The following LHFPL3 variants were observed in gnomAD, a reference collection of about 807,000 sequenced individuals.
The protein encoded by LHFPL3 is LHFPL tetraspan subfamily member 3 protein.
Under a neutral mutation model 19.3 loss-of-function variants are expected in LHFPL3, and 5 were observed. The observed-to-expected ratio is 0.26, with a 90% CI of 0.14 to 0.54. The LOEUF (loss-of-function observed/expected upper bound fraction) is 0.54. LHFPL3 is among the 20% of genes least tolerant of loss of function. The probability of loss-of-function intolerance (pLI) is 0.94; values close to 1 mark genes in which losing one functional copy is unlikely to be tolerated. For synonymous variants in LHFPL3, 133 were observed against 126.2 expected, an observed-to-expected ratio of 1.05 and a Z score of -0.36; for missense variants, 249 against 307.4, an observed-to-expected ratio of 0.81 and a Z score of 1.42.
chr7:104,690,572 G>T (rs1792888483), intron 1 of LHFPL3, among the ~76,000 whole-genome samples: 2 of 152,230 alleles, frequency 1.3e-5, no homozygotes, highest in African/African-American at 4.8e-5. Context: ...CGTGCCAGGG[G>T]ATAGGAAATA....
At chr7:104,438,832 A>C (rs1792163417) in intron 1 of LHFPL3, among the ~76,000 whole-genome samples, 1 of 152,172 alleles carries the variant, frequency 6.6e-6, no homozygotes, top group South Asian at 2.1e-4. Flanking sequence ...AAAACAACAA[A>C]ATTGTTAAAT....
chr7:104,566,832 T>A (rs1022075048), intron 1 of LHFPL3, among the ~76,000 whole-genome samples: 1 of 152,258 alleles, frequency 6.6e-6, no homozygotes, highest in African/African-American at 2.4e-5. Flanking sequence ...AAAACATTAT[T>A]TCTCAAATGT....
intron 2 of LHFPL3, among the ~76,000 whole-genome samples, chr7:104,818,336 C>G (rs546247388): frequency 1.3e-5 from 2 of 151,556 alleles, no homozygotes; most frequent in East Asian, 3.9e-4. Context: ...GAATTCTTTG[C>G]CCACCTAAGG....
intron 2 of LHFPL3, chr7:104,799,447 T>A (rs1584540380): frequency 2.6e-5 from 4 of 152,382 alleles, no homozygotes; most frequent in Admixed American, 2.6e-4. Context: ...TTCTTTGTTT[T>A]GACAAATGAC....
chr7:104,368,652 C>CGTGT (rs67849394), intron 1 of LHFPL3, among the ~76,000 whole-genome samples: 10,779 of 150,126 alleles, frequency 0.072, 424 homozygotes, highest in Middle Eastern at 0.099. Flanking sequence ...CACACATGTA[C>CGTGT]GTGTGTGTGT....
chr7:104,734,240 T>C (rs1050551231), intron 1 of LHFPL3, among the ~76,000 whole-genome samples: 4 of 152,198 alleles, frequency 2.6e-5, no homozygotes, highest in Admixed American at 1.3e-4. Flanking sequence ...GCATTCTCTG[T>C]ATCTCCTGAA....
At chr7:104,862,341 T>C (rs1396612181) in intron 2 of LHFPL3, among the ~76,000 whole-genome samples, 1 of 152,100 alleles carries the variant, frequency 6.6e-6, no homozygotes, top group Non-Finnish European at 1.5e-5. Context: ...AAAGAACTAA[T>C]CTTAGGAGCT....
intron 1 of LHFPL3, among the ~76,000 whole-genome samples, chr7:104,695,871 T>C (rs1430394412): frequency 6.6e-6 from 1 of 152,232 alleles, no homozygotes; most frequent in Non-Finnish European, 1.5e-5. Flanking sequence ...TGGGCTCAGA[T>C]CCTTGCTCCC....
chr7:104,899,885 C>T (rs935014567), intron 2 of LHFPL3, among the ~76,000 whole-genome samples: 6 of 152,208 alleles, frequency 3.9e-5, no homozygotes, highest in African/African-American at 7.2e-5. Context: ...GCACCTGCCA[C>T]CATACCTGGC....
intron 1 of LHFPL3, among the ~76,000 whole-genome samples, chr7:104,542,970 C>A (rs1175852941): frequency 6.6e-6 from 1 of 152,066 alleles, no homozygotes; most frequent in Non-Finnish European, 1.5e-5. Flanking sequence ...TATTATGCAG[C>A]CATAGTAAAC....
chr7:104,837,366 T>C (rs1226687125), intron 2 of LHFPL3, among the ~76,000 whole-genome samples: 1 of 152,202 alleles, frequency 6.6e-6, no homozygotes, highest in Non-Finnish European at 1.5e-5. Context: ...TCATTATCAA[T>C]TGAACCAGCC....
chr7:104,565,627 C>T (rs1790104178), intron 1 of LHFPL3, among the ~76,000 whole-genome samples: 1 of 151,978 alleles, frequency 6.6e-6, no homozygotes, highest in African/African-American at 2.4e-5. Context: ...TTAATGAAAA[C>T]CATTAAACAA....
At chr7:104,511,581 G>T (rs1793813729) in intron 1 of LHFPL3, among the ~76,000 whole-genome samples, 1 of 152,124 alleles carries the variant, frequency 6.6e-6, no homozygotes, top group Non-Finnish European at 1.5e-5. Flanking sequence ...TCTTTCAGTG[G>T]GTGAATGGTT....
intron 2 of LHFPL3, among the ~76,000 whole-genome samples, chr7:104,802,221 A>G (rs1346880255): frequency 6.6e-6 from 1 of 152,144 alleles, no homozygotes; most frequent in Non-Finnish European, 1.5e-5. Flanking sequence ...TGGGCCAGGC[A>G]CACTGGCTCA....
chr7:104,610,350 C>T (rs544649402), intron 1 of LHFPL3, among the ~76,000 whole-genome samples: 1 of 151,826 alleles, frequency 6.6e-6, no homozygotes, highest in Non-Finnish European at 1.5e-5. Flanking sequence ...CTAATCACAA[C>T]TCACTCCTAT....
intron 1 of LHFPL3, among the ~76,000 whole-genome samples, chr7:104,359,915 T>A (rs2116406893): frequency 6.6e-6 from 1 of 152,346 alleles, no homozygotes; most frequent in Admixed American, 6.5e-5. Context: ...TTCATAGACA[T>A]GGTTTTATTT....
Position 104,584,245 on chromosome 7 carries a change from G to A in LHFPL3, c.446-152430G>A, listed in dbSNP as rs572964583. 3.3e-5 allele frequency among the ~76,000 whole-genome samples: 5 copies of A among 152,034 alleles called. No individual in the cohort carries two copies. The South Asian group carries it at 1.0e-3, about 32-fold the overall frequency. On this transcript the variant is annotated intron_variant, in intron 1 of 2. Transcript: ENST00000424859. Reference sequence around the variant, plus strand: ...ACACCGCATGTTCTAACTCATAGGTGGGAATTGAACAATGAGAACACACGG... The same window carrying A: ...ACACCGCATGTTCTAACTCATAGGTAGGAATTGAACAATGAGAACACACGG...
chr7:104,870,102 GA>G, intron 2 of LHFPL3, among the ~76,000 whole-genome samples: 1 of 151,512 alleles, frequency 6.6e-6, no homozygotes, highest in Non-Finnish European at 1.5e-5. Flanking sequence ...GGGGTGGGGG[GA>G]CGGGGGAGGG....
chr7:104,502,730 C>G (rs1245572969), intron 1 of LHFPL3, among the ~76,000 whole-genome samples: 2 of 152,202 alleles, frequency 1.3e-5, no homozygotes, highest in African/African-American at 4.8e-5. Context: ...CCAGCCCTCA[C>G]AACTCAGAGG....
Sources: allele counts gnomAD v4.1 joint callset (sites outside exome capture counted in the v4.1 genomes callset), GRCh38; gene constraint gnomAD v4.1.1; transcripts MANE v1.5; gene names NCBI Gene and HGNC (gene_info 2026-07-23, HGNC 2026-07-21).